GRHL2: variants seen among roughly 807,000 people sequenced by gnomAD.
The protein encoded by GRHL2 is grainyhead-like protein 2 homolog.
In GRHL2, 21 loss-of-function variants were observed where a neutral mutation model predicts 83.8. The observed-to-expected ratio is 0.25, with a 90% CI of 0.18 to 0.36. The LOEUF is 0.36. Ranked by LOEUF, GRHL2 falls within the 10% of genes least tolerant of loss-of-function variation. The pLI, the probability that GRHL2 is intolerant of heterozygous loss-of-function variation, is 1.00. For synonymous variants in GRHL2, 280 were observed against 278.9 expected, an observed-to-expected ratio of 1.00 and a Z score of -0.04; for missense variants, 623 against 781.8, an observed-to-expected ratio of 0.80 and a Z score of 2.42.
intron 2 of GRHL2, among the ~76,000 whole-genome samples, chr8:101,551,075 G>A (rs1563575964): frequency 2.0e-5 from 3 of 152,132 alleles, no homozygotes; most frequent in Non-Finnish European, 4.4e-5. Flanking sequence ...ACACAGGTGT[G>A]TTGAGTATTG....
At chr8:101,575,326 A>T (rs1337407265) in intron 6 of GRHL2, among the ~76,000 whole-genome samples, 1 of 152,184 alleles carries the variant, frequency 6.6e-6, no homozygotes, top group Non-Finnish European at 1.5e-5. Context: ...GGTCATGACA[A>T]CAGTTTGGAG....
intron 4 of GRHL2, among the ~76,000 whole-genome samples, chr8:101,563,930 C>T (rs747590975): frequency 5.9e-5 from 9 of 152,050 alleles, no homozygotes; most frequent in Non-Finnish European, 8.8e-5. Flanking sequence ...AGAAATATTC[C>T]ATTAGTCACA....
chr8:101,680,338 C>T, the GRHL2 span, among the ~76,000 whole-genome samples: 67 of 142,094 alleles, frequency 4.7e-4, no homozygotes, highest in African/African-American at 1.7e-3. Context: ...AAGGCCATTA[C>T]ATAATGGTAA....
intron 2 of GRHL2, among the ~76,000 whole-genome samples, chr8:101,549,821 A>G (rs1391339032): frequency 1.3e-5 from 2 of 151,274 alleles, no homozygotes; most frequent in Non-Finnish European, 2.9e-5. Context: ...AATTCCTACC[A>G]TGGCTCAGCC....
chr8:101,574,741 G>A (rs945781068), intron 6 of GRHL2, among the ~76,000 whole-genome samples: 1 of 152,226 alleles, frequency 6.6e-6, no homozygotes, highest in Non-Finnish European at 1.5e-5. Context: ...AGGAGAATTA[G>A]TAAATTCTAA....
At chr8:101,653,483 A>G (rs1813715559) in intron 14 of GRHL2, among the ~76,000 whole-genome samples, 1 of 152,138 alleles carries the variant, frequency 6.6e-6, no homozygotes, top group South Asian at 2.1e-4. Context: ...TGGGCCCGTC[A>G]GAATCACCTG....
chr8:101,605,461 T>TAAAGA (rs1812614383), intron 8 of GRHL2, among the ~76,000 whole-genome samples: 1 of 152,256 alleles, frequency 6.6e-6, no homozygotes, highest in African/African-American at 2.4e-5. Flanking sequence ...AAGCAATCTA[T>TAAAGA]AGGGTACAAC....
chr8:101,558,658 C>G lies in GRHL2; in HGVS notation c.524C>G (p.Pro175Arg), dbSNP rs1356330340. The G allele has an allele frequency of 6.2e-7, 1 of 1,614,006 alleles. No homozygotes were observed. ...TTCATGGCCCCACCTGTGCACTATC[C>G]CCGGGGAGATGGGGAAGAGCAACGA... The part of the protein sequence containing the change: ...PVFMAPPVHY[P>R]RGDGEEQRVV... Residue 175 changes from proline to arginine, a missense_variant, in exon 4 of 16, where the codon CCC (proline) becomes CGC (arginine). This residue lies in a region of GRHL2 where 239 missense variants were observed against 240.5 expected (regional missense o/e 0.99). Coordinates refer to ENST00000646743, the MANE Select transcript of GRHL2 (RefSeq NM_024915.4).
intron 8 of GRHL2, among the ~76,000 whole-genome samples, chr8:101,612,520 GATACATACATACATACATAC>G (rs58026460): frequency 8.1e-6 from 1 of 123,678 alleles, no homozygotes; most frequent in African/African-American, 3.3e-5. Context: ...TAGATAGATA[GATACATACATACATACATAC>G]ATACATACAT....
At position 101,502,311 on chromosome 8, in the gene GRHL2, A is replaced by G. The variant is rs573174031; in HGVS notation, c.20+9522A>G. On this transcript the variant is annotated intron_variant, in intron 1 of 15. Transcript: ENST00000646743. ...GGGGTCTGGGCTGGTGGTGGCTCACAGCAGGGGCCATGAACATTAGCAAGA... is the reference window on the plus strand; with the variant it reads ...GGGGTCTGGGCTGGTGGTGGCTCACGGCAGGGGCCATGAACATTAGCAAGA... 4.5e-4 allele frequency among the ~76,000 whole-genome samples: 69 copies of G among 152,330 alleles called. 1 individual carries two copies. Among genetic ancestry groups the G allele is most frequent in the Non-Finnish European group, 8.4e-4 (57 of 68,040 alleles).
chr8:101,620,048 G>A (rs1427135300), intron 9 of GRHL2, among the ~76,000 whole-genome samples: 3 of 152,198 alleles, frequency 2.0e-5, no homozygotes, highest in Admixed American at 6.5e-5. Flanking sequence ...AGGTCAAGGT[G>A]TCAGCTAATT....
chr8:101,643,542 C>T (rs1044869224), intron 12 of GRHL2, among the ~76,000 whole-genome samples: 8 of 152,138 alleles, frequency 5.3e-5, no homozygotes, highest in African/African-American at 1.2e-4. Flanking sequence ...AAACCTCTCC[C>T]GAGAAGGAGC....
chr8:101,566,050 C>T (rs933052165), intron 4 of GRHL2, among the ~76,000 whole-genome samples: 6 of 152,158 alleles, frequency 3.9e-5, no homozygotes, highest in Admixed American at 3.3e-4. Flanking sequence ...ATCCTCCACA[C>T]ATTTAAAGGA....
intron 8 of GRHL2, among the ~76,000 whole-genome samples, chr8:101,614,200 A>G (rs1586145221): frequency 6.6e-6 from 1 of 151,044 alleles, no homozygotes; most frequent in East Asian, 1.9e-4. Flanking sequence ...AGAAACCACA[A>G]AATGGGAATT....
At chr8:101,512,686 G>A (rs1442496588) in intron 1 of GRHL2, among the ~76,000 whole-genome samples, 1 of 152,150 alleles carries the variant, frequency 6.6e-6, no homozygotes, top group East Asian at 1.9e-4. Flanking sequence ...TGTTGGCCAG[G>A]CTGTGTTTTG....
At chr8:101,532,686 G>A (rs1202279000) in intron 1 of GRHL2, among the ~76,000 whole-genome samples, 3 of 151,454 alleles carry the variant, frequency 2.0e-5, no homozygotes, top group Non-Finnish European at 4.4e-5. Flanking sequence ...CCTGGGAGGT[G>A]AAGGTTGCAG....
chr8:101,676,896 T>C, the GRHL2 span, among the ~76,000 whole-genome samples: 2 of 152,098 alleles, frequency 1.3e-5, no homozygotes, highest in Non-Finnish European at 2.9e-5. Flanking sequence ...AAATGATGAG[T>C]TCATGTCCTT....
chr8:101,536,486 A>G (rs1005916377), intron 1 of GRHL2, among the ~76,000 whole-genome samples: 2 of 152,222 alleles, frequency 1.3e-5, no homozygotes, highest in South Asian at 4.1e-4. Context: ...TAGGAAGTGA[A>G]TATCATTATT....
chr8:101,536,936 C>T (rs190776821), intron 1 of GRHL2, among the ~76,000 whole-genome samples: 139 of 152,074 alleles, frequency 9.1e-4, no homozygotes, highest in Middle Eastern at 3.4e-3. Flanking sequence ...CCTCACCCCC[C>T]GCCCTCTGGT....
Sources: allele counts gnomAD v4.1 joint callset (sites outside exome capture counted in the v4.1 genomes callset), GRCh38; gene constraint gnomAD v4.1.1; regional missense constraint gnomAD v4.1.1; transcripts MANE v1.5; gene names NCBI Gene and HGNC (gene_info 2026-07-23, HGNC 2026-07-21).